APBB2: variants seen among roughly 807,000 people sequenced by gnomAD.
APBB2 encodes the protein amyloid beta precursor protein binding family B member 2.
In APBB2, 38 loss-of-function variants were observed where a neutral mutation model predicts 82.5. The observed-to-expected ratio is 0.46, with a 90% confidence interval of 0.36 to 0.60. The LOEUF is 0.60. Among genes scored for constraint, APBB2 ranks in the 20% least tolerant of loss-of-function variants. The pLI is 0.00. For synonymous variants in APBB2, 341 were observed against 368.2 expected (o/e 0.93, Z 0.85); for missense variants, 772 against 972.3 (o/e 0.79, Z 2.74).
In APBB2 at chr4:40,816,014, G is replaced by T; in HGVS notation, c.*78C>A. On this transcript the variant is annotated 3_prime_UTR_variant, in exon 18 of 18. Coordinates refer to ENST00000508593, the MANE Select transcript of APBB2 (RefSeq NM_004307.2). ...CAAAGCATCAGCAACTGGATGGAAG[G>T]TCGGATGGCGGAGTTCATTTTCTTT... is the stretch of plus-strand genomic sequence containing the variant. The T allele has an allele frequency of 6.6e-7, 1 of 1,512,814 alleles. No individual in the cohort carries two copies. Among genetic ancestry groups the T allele is most frequent in the South Asian group, 1.2e-5 (1 of 83,178 alleles). 93.7% of individuals were successfully genotyped at this position (1,512,814 alleles called of 1,614,324 possible).
chr4:40,898,838 AAG>A (rs1774434892), intron 10 of APBB2, among the ~76,000 whole-genome samples: 1 of 123,600 alleles, frequency 8.1e-6, no homozygotes, highest in Non-Finnish European at 1.6e-5. Flanking sequence ...AGAAAGAAAA[AAG>A]AAACACACAC....
intron 10 of APBB2, among the ~76,000 whole-genome samples, chr4:40,908,800 C>T (rs900083746): frequency 3.3e-5 from 5 of 152,190 alleles, no homozygotes; most frequent in Admixed American, 2.6e-4. Flanking sequence ...TGGGGGAGCC[C>T]GCCACTGCAG....
intron 6 of APBB2, among the ~76,000 whole-genome samples, chr4:40,970,373 C>T (rs890712707): frequency 6.6e-6 from 1 of 152,072 alleles, no homozygotes; most frequent in African/African-American, 2.4e-5. Context: ...AGTATGGTTT[C>T]AATCTCATTT....
chr4:40,825,479 T>TG (rs1749583821), intron 15 of APBB2, among the ~76,000 whole-genome samples: 1 of 152,238 alleles, frequency 6.6e-6, no homozygotes, highest in South Asian at 2.1e-4. Flanking sequence ...CACTACTGTG[T>TG]CACTCCTTGA....
intron 10 of APBB2, among the ~76,000 whole-genome samples, chr4:40,896,221 T>C (rs560336958): frequency 6.6e-6 from 1 of 152,288 alleles, no homozygotes; most frequent in South Asian, 2.1e-4. Context: ...TACACCACCG[T>C]GCCCGGCTAA....
chr4:41,072,863 T>C lies in APBB2; in HGVS notation c.-148-7190A>G, dbSNP rs993013937. Among the ~76,000 whole-genome samples, 40 of 152,180 alleles carry C rather than the reference T, an allele frequency of 2.6e-4. 1 individual carries two copies. The highest frequency in any genetic ancestry group is 8.7e-4 in the African/African-American group (36 of 41,446). On this transcript the variant is annotated intron_variant, in intron 3 of 17. Coordinates refer to ENST00000508593, the MANE Select transcript of APBB2 (RefSeq NM_004307.2). ...CCTGAAGAAAGGGAGGACTTTACCA[T>C]TGCATACATTAAGTGACTGTTGGCA...
chr4:41,115,844 G>A (rs565739605), intron 2 of APBB2, among the ~76,000 whole-genome samples: 5 of 152,306 alleles, frequency 3.3e-5, no homozygotes, highest in South Asian at 4.1e-4. Flanking sequence ...TGGAGAAATA[G>A]GAACACTATT....
intron 6 of APBB2, 79 bp from the exon 7 acceptor site, chr4:40,945,152 C>T: frequency 9.2e-7 from 1 of 1,086,904 alleles, no homozygotes; most frequent in Non-Finnish European, 1.4e-6. Context: ...GTCAGGTGAA[C>T]CCCAAAGGCA....
intron 10 of APBB2, among the ~76,000 whole-genome samples, chr4:40,895,628 C>T (rs1039842737): frequency 1.2e-4 from 18 of 152,328 alleles, no homozygotes; most frequent in African/African-American, 4.1e-4. Context: ...CACAATTGTG[C>T]CAGTCTGATC....
chr4:41,076,809 C>T lies in APBB2; in HGVS notation c.-148-11136G>A, dbSNP rs1735782950. Among the ~76,000 whole-genome samples, 5 of 152,094 alleles carry T rather than the reference C, an allele frequency of 3.3e-5. No individual in the cohort carries two copies. In the South Asian group the frequency reaches 1.0e-3, roughly 32 times the overall value. ...TTCAAATATACATAATTAAGAACCCCAAGAGGGTAAAACATATTGCATCCA... is the reference window on the plus strand; with the variant it reads ...TTCAAATATACATAATTAAGAACCCTAAGAGGGTAAAACATATTGCATCCA... On this transcript the variant is annotated intron_variant, in intron 3 of 17. Coordinates refer to ENST00000508593, the MANE Select transcript of APBB2 (RefSeq NM_004307.2).
At chr4:40,998,807 C>T (rs4472173) in intron 6 of APBB2, among the ~76,000 whole-genome samples, 40,310 of 152,020 alleles carry the variant, frequency 0.27, 6,541 homozygotes, top group East Asian at 0.54. Context: ...CACTGCAATG[C>T]TACAACAGCT....
intron 12 of APBB2, among the ~76,000 whole-genome samples, chr4:40,870,514 C>T (rs945090752): frequency 6.6e-6 from 1 of 152,126 alleles, no homozygotes; most frequent in Non-Finnish European, 1.5e-5. Flanking sequence ...CTCCAAAAGC[C>T]CTTTCATTTA....
intron 12 of APBB2, among the ~76,000 whole-genome samples, chr4:40,882,390 C>T (rs1768888067): frequency 6.6e-6 from 1 of 152,074 alleles, no homozygotes; most frequent in South Asian, 2.1e-4. Context: ...AAGGAGGGAC[C>T]CCAGGGCCAG....
At chr4:40,836,530 C>A (rs73242087) in intron 12 of APBB2, among the ~76,000 whole-genome samples, 1 of 152,144 alleles carries the variant, frequency 6.6e-6, no homozygotes, top group South Asian at 2.1e-4. Context: ...CAAGGCCTGG[C>A]GACTGGGGAA....
At chr4:40,884,386 A>C (rs1769585545) in intron 12 of APBB2, among the ~76,000 whole-genome samples, 1 of 152,244 alleles carries the variant, frequency 6.6e-6, no homozygotes, top group African/African-American at 2.4e-5. Context: ...ACTCCTCCAC[A>C]AAATTAAGCA....
chr4:40,836,509 A>G (rs1273994286), intron 12 of APBB2, among the ~76,000 whole-genome samples: 1 of 152,136 alleles, frequency 6.6e-6, no homozygotes, highest in African/African-American at 2.4e-5. Context: ...CAAACAAAAA[A>G]CATGTCAAAC....
chr4:41,157,992 A>C (rs531646720), intron 1 of APBB2, among the ~76,000 whole-genome samples: 2 of 152,312 alleles, frequency 1.3e-5, no homozygotes, highest in East Asian at 3.9e-4. Context: ...ACTCCACCTC[A>C]AAAACCAAAC....
At chr4:41,182,415 C>T (rs1409442149) in intron 1 of APBB2, among the ~76,000 whole-genome samples, 1 of 152,226 alleles carries the variant, frequency 6.6e-6, no homozygotes, top group Non-Finnish European at 1.5e-5. Flanking sequence ...GCTTCAAACA[C>T]CTTCTACAAA....
At chr4:40,868,852 A>G (rs773245929) in intron 12 of APBB2, among the ~76,000 whole-genome samples, 31 of 152,310 alleles carry the variant, frequency 2.0e-4, no homozygotes, top group Middle Eastern at 3.4e-3. Context: ...TCTTATTTTA[A>G]TAACTTTTTT....
Sources: gnomAD v4.1 joint callset for allele counts (sites outside exome capture counted in the v4.1 genomes callset) on GRCh38, gnomAD v4.1.1 for gene constraint, MANE v1.5 for transcripts, NCBI Gene and HGNC (gene_info 2026-07-23, HGNC 2026-07-21) for gene names.